PLAGL1: variants seen among roughly 807,000 people sequenced by gnomAD.
PLAGL1 encodes the protein PLAG1 like zinc finger 1.
Under a neutral mutation model 4.6 loss-of-function variants are expected in PLAGL1, and 1 was observed. The ratio of observed to expected loss-of-function variants is 0.22; its 90% confidence interval spans 0.08 to 1.03. The LOEUF is 1.03. PLAGL1 is among the 50% of genes least tolerant of loss of function. The pLI is 0.58. For synonymous variants in PLAGL1, 240 were observed against 237.8 expected (o/e 1.01, Z -0.08); for missense variants, 464 against 570.4 (o/e 0.81, Z 1.90).
At chr6:144,010,388 A>G (rs895005049), upstream of PLAGL1, among the ~76,000 whole-genome samples, 10 of 152,242 alleles carry the variant, frequency 6.6e-5, no homozygotes, top group South Asian at 2.1e-4. The surrounding 1 kb of genome is among the most constrained non-coding windows in gnomAD (Gnocchi z 4.1). Context: ...TAGGAATACA[A>G]CTTACAAGAG....
chr6:144,002,503 G>A (rs188444555), intron 1 of PLAGL1, among the ~76,000 whole-genome samples: 2 of 152,134 alleles, frequency 1.3e-5, no homozygotes, highest in Admixed American at 6.5e-5. Context: ...CAGATGGCAT[G>A]ACAGCACATT....
chr6:144,001,732 T>A (rs1792933057), intron 1 of PLAGL1, among the ~76,000 whole-genome samples: 1 of 152,150 alleles, frequency 6.6e-6, no homozygotes, highest in Admixed American at 6.5e-5. Flanking sequence ...TCAGTTGATG[T>A]GGCTATCATA....
upstream of PLAGL1, chr6:144,008,495 G>A (rs569512852): frequency 6.6e-6 from 1 of 152,314 alleles, no homozygotes; most frequent in East Asian, 1.9e-4. The surrounding 1 kb of genome is among the most constrained non-coding windows in gnomAD (Gnocchi z 6.9). Flanking sequence ...GGGAGCTGGG[G>A]GTCGGCGGCC....
intron 6 of PLAGL1, among the ~76,000 whole-genome samples, chr6:143,956,222 C>A (rs896769883): frequency 6.6e-6 from 1 of 152,196 alleles, no homozygotes; most frequent in African/African-American, 2.4e-5. Flanking sequence ...GTGGTTTGGT[C>A]AAGTGGGCTA....
At position 144,061,104 on chromosome 6, in the gene PLAGL1, GGTGACAGTGTGAGTAGAAGAGTT is replaced by G. The variant is rs1396389326; in HGVS notation, c.-151+3341_-151+3363del. On this transcript the variant is annotated intron_variant, in intron 1 of 3. Coordinates refer to the PLAGL1 transcript ENST00000437412. The surrounding 1 kb of genome is among the most constrained non-coding windows in gnomAD (Gnocchi z 4.4). ...TACAATTGGAAGTGGAAAGGTACTG[GGTGACAGTGTGAGTAGAAGAGTT>G]GTAACAGACATGCATGATTACAGCC... Among the ~76,000 whole-genome samples, 3 of 152,182 alleles carry G rather than the reference GGTGACAGTGTGAGTAGAAGAGTT, an allele frequency of 2.0e-5. No homozygotes were observed. The highest frequency in any genetic ancestry group is 4.4e-5 in the Non-Finnish European group (3 of 68,042).
Position 143,994,368 on chromosome 6 carries a change from T to C in PLAGL1, c.-583-9194A>G, listed in dbSNP as rs1447572602. Among the ~76,000 whole-genome samples, 4 of 152,336 alleles carry C rather than the reference T, an allele frequency of 2.6e-5. No homozygotes were observed. In the East Asian group the frequency reaches 7.7e-4, roughly 29 times the overall value. On this transcript the variant is annotated intron_variant, in intron 1 of 7. Coordinates refer to ENST00000674357, the MANE Select transcript of PLAGL1 (RefSeq NM_001317162.2). The surrounding 1 kb of genome is among the most constrained non-coding windows in gnomAD (Gnocchi z 4.3). The stretch of plus-strand genomic sequence containing the variant: ...TTCTGCACTGTGTCATCTGAGAATA[T>C]GAACATCTTTCCTCCGCTGTTTAAA...
rs1340924358 is a variant in PLAGL1 at position 143,940,689 on chromosome 6, A to G, written c.*735T>C. On this transcript the variant is annotated 3_prime_UTR_variant, in exon 8 of 8. Coordinates refer to ENST00000674357, the MANE Select transcript of PLAGL1 (RefSeq NM_001317162.2). The stretch of plus-strand genomic sequence containing the variant: ...AAAGTCAGCAAAATGCCTTTGACTG[A>G]CGCCTGGATTATTTTACCACTTAAC... The G allele has an allele frequency of 4.6e-5, 7 of 152,094 alleles. No homozygotes were observed. The East Asian group carries it at 1.4e-3, about 29-fold the overall frequency. The allele number at this position is 152,094 out of a possible 1,614,324, so 9.4% of individuals were successfully genotyped here. A position where few individuals can be genotyped will look rare whatever the true frequency, so the allele number is the denominator to read the frequency against.
intron 1 of PLAGL1, among the ~76,000 whole-genome samples, chr6:143,998,731 T>C (rs556511700): frequency 7.9e-5 from 12 of 152,296 alleles, no homozygotes; most frequent in Non-Finnish European, 1.5e-4. Flanking sequence ...AGAGTGAGTA[T>C]TCTCTGAACA....
intron 1 of PLAGL1, among the ~76,000 whole-genome samples, chr6:144,021,916 G>A (rs762104879): frequency 6.6e-5 from 10 of 152,094 alleles, no homozygotes; most frequent in Non-Finnish European, 1.5e-4. Flanking sequence ...TGGCTCTCTG[G>A]GAAGTAACTT....
rs536853150 is a variant in PLAGL1 at position 143,948,659 on chromosome 6, C to G, written c.-324-199G>C. 7.9e-5 allele frequency among the ~76,000 whole-genome samples: 12 copies of G among 152,130 alleles called. No individual in the cohort carries two copies. The highest frequency in any genetic ancestry group is 1.5e-4 in the Non-Finnish European group (10 of 68,022). ...TTCTCAGAGGGTGAGGAGTCAAGCA[C>G]TGATGGCCAGTGGAGCACACTTTCC... is the stretch of plus-strand genomic sequence containing the variant. On this transcript the variant is annotated intron_variant, in intron 6 of 7. Transcript: ENST00000674357. This position sits in a 1 kb window ranked among gnomAD's most constrained non-coding sequence, Gnocchi z 6.0.
chr6:144,057,519 C>A (rs1799060404), intron 1 of PLAGL1, among the ~76,000 whole-genome samples: 1 of 152,232 alleles, frequency 6.6e-6, no homozygotes. Flanking sequence ...GCATACAGTG[C>A]TCCAGAGAAT....
Position 143,995,685 on chromosome 6 carries a change from T to TC in PLAGL1, c.-583-10512dup, listed in dbSNP as rs1791457278. 6.6e-6 allele frequency among the ~76,000 whole-genome samples: 1 copy of TC among 152,132 alleles called. No individual in the cohort carries two copies. On this transcript the variant is annotated intron_variant, in intron 1 of 7. Coordinates refer to ENST00000674357, the MANE Select transcript of PLAGL1 (RefSeq NM_001317162.2). The surrounding 1 kb of genome is among the most constrained non-coding windows in gnomAD (Gnocchi z 4.4). ...ATATGCTTATATAAAATGTTTCAAA[T>TC]CTGAAATATAAGGATTTTTTTTTTC...
In PLAGL1 at chr6:143,962,659, A is replaced by T. The variant is rs1485989236; in HGVS notation, c.-398-2117T>A. 6.6e-6 allele frequency among the ~76,000 whole-genome samples: 1 copy of T among 152,198 alleles called. No homozygotes were observed. The highest frequency in any genetic ancestry group is 1.9e-4 in the East Asian group (1 of 5,202). On this transcript the variant is annotated intron_variant, in intron 5 of 7. Coordinates refer to ENST00000674357, the MANE Select transcript of PLAGL1 (RefSeq NM_001317162.2). The surrounding 1 kb of genome is among the most constrained non-coding windows in gnomAD (Gnocchi z 5.3). Reference sequence around the variant, plus strand: ...TTAAGAACCCGTCTTTTTCTCTCTTAATGAACTGGTTTAGCCGCCTGCTGG... The same window carrying T: ...TTAAGAACCCGTCTTTTTCTCTCTTTATGAACTGGTTTAGCCGCCTGCTGG...
At chr6:144,012,419 G>GC, upstream of PLAGL1, among the ~76,000 whole-genome samples, 1 of 152,012 alleles carries the variant, frequency 6.6e-6, no homozygotes, top group South Asian at 2.1e-4. The surrounding 1 kb of genome is among the most constrained non-coding windows in gnomAD (Gnocchi z 4.8). Flanking sequence ...GGGGTGCTGG[G>GC]TTGGGGGGAA....
At chr6:144,003,269 C>G (rs1053458698) in intron 1 of PLAGL1, among the ~76,000 whole-genome samples, 6 of 152,076 alleles carry the variant, frequency 3.9e-5, no homozygotes, top group African/African-American at 1.4e-4. Context: ...TGGTGATAAT[C>G]ACAGATCCAA....
At position 144,034,931 on chromosome 6, in the gene PLAGL1, A is replaced by C. The variant is rs1054635842; in HGVS notation, c.-151+29537T>G. Among the ~76,000 whole-genome samples the C allele has an allele frequency of 7.9e-5, 12 of 152,206 alleles. No homozygotes were observed. The highest frequency in any genetic ancestry group is 2.4e-4 in the African/African-American group (10 of 41,454). ...TGAAGGCTTTCAGGTTTGGACAAAAATCTTTGAGTATTAACTTGGAAATAA... is the reference window on the plus strand; with the variant it reads ...TGAAGGCTTTCAGGTTTGGACAAAACTCTTTGAGTATTAACTTGGAAATAA... On this transcript the variant is annotated intron_variant, in intron 1 of 3. Coordinates refer to the PLAGL1 transcript ENST00000437412. This position sits in a 1 kb window ranked among gnomAD's most constrained non-coding sequence, Gnocchi z 4.7.
rs1180431910 is a variant in PLAGL1 at position 143,968,286 on chromosome 6, A to G, written c.-472+621T>C. 2 of 152,362 alleles carry G rather than the reference A, an allele frequency of 1.3e-5. No individual in the cohort carries two copies. The highest frequency in any genetic ancestry group is 3.9e-4 in the East Asian group (2 of 5,186). 9.4% of individuals were successfully genotyped at this position (152,362 alleles called of 1,614,324 possible). On this transcript the variant is annotated intron_variant, in intron 3 of 7. Transcript: ENST00000674357. The surrounding 1 kb of genome is among the most constrained non-coding windows in gnomAD (Gnocchi z 6.3). ...ATGTATAATGGGGACCCTGCCAACCATGAATTCCCTCAAATAAACACTGGT... is the reference window on the plus strand; with the variant it reads ...ATGTATAATGGGGACCCTGCCAACCGTGAATTCCCTCAAATAAACACTGGT...
Position 143,959,290 on chromosome 6 carries a change from CACA to C in PLAGL1, c.-325+1176_-325+1178del, listed in dbSNP as rs1782839579. ...GACAGACAAGGCCTGCTGTGTTAGC[CACA>C]CCCCACCTGTTCGCAGCCCATGGAC... is the stretch of plus-strand genomic sequence containing the variant. On this transcript the variant is annotated intron_variant, in intron 6 of 7. Transcript: ENST00000674357. This position sits in a 1 kb window ranked among gnomAD's most constrained non-coding sequence, Gnocchi z 5.3. Among the ~76,000 whole-genome samples, 1 of 152,136 alleles carries C rather than the reference CACA, an allele frequency of 6.6e-6. No individual in the cohort carries two copies. Among genetic ancestry groups the C allele is most frequent in the South Asian group, 2.1e-4 (1 of 4,818 alleles).
At chr6:143,981,582 T>C (rs996381949) in intron 2 of PLAGL1, among the ~76,000 whole-genome samples, 3 of 152,272 alleles carry the variant, frequency 2.0e-5, no homozygotes, top group African/African-American at 7.2e-5. Flanking sequence ...TTTCCTTCTC[T>C]CAGGGTTCAC....
Sources: allele counts gnomAD v4.1 joint callset (sites outside exome capture counted in the v4.1 genomes callset), GRCh38; gene constraint gnomAD v4.1.1; non-coding constraint Gnocchi (gnomAD v3.1); transcripts MANE v1.5; gene names NCBI Gene and HGNC (gene_info 2026-07-23, HGNC 2026-07-21).